CDH13: variants seen among roughly 807,000 people sequenced by gnomAD.
CDH13 encodes cadherin 13.
CDH13 carries 24 observed loss-of-function variants against 63.8 expected under a neutral mutation model. That is an observed-to-expected ratio of 0.38 (90% CI 0.27 to 0.53). The LOEUF (loss-of-function observed/expected upper bound fraction) is 0.53. CDH13 is among the 20% of genes least tolerant of loss of function. CDH13 has a pLI of 0.85. For missense variants in CDH13, 1,049 were observed against 903.1 expected (o/e 1.16, Z -2.07); for synonymous variants, 503 against 355.3 (o/e 1.42, Z -4.67).
chr16:82,952,773 C>T (rs1905478022), intron 2 of CDH13, among the ~76,000 whole-genome samples: 1 of 152,188 alleles, frequency 6.6e-6, no homozygotes, highest in South Asian at 2.1e-4. Context: ...CTCTCTGGTG[C>T]CACAAGATGC....
At chr16:83,199,133 T>C (rs1354196333) in intron 4 of CDH13, among the ~76,000 whole-genome samples, 1 of 152,226 alleles carries the variant, frequency 6.6e-6, no homozygotes, top group Non-Finnish European at 1.5e-5. Context: ...GGAGCTGGGC[T>C]TGGATTCATT....
intron 7 of CDH13, among the ~76,000 whole-genome samples, chr16:83,559,602 A>G (rs998321318): frequency 6.6e-6 from 1 of 151,462 alleles, no homozygotes; most frequent in Non-Finnish European, 1.5e-5. Context: ...GAAAAGAAGG[A>G]AGGAAGGAAG....
At chr16:83,058,565 G>A (rs149738888) in intron 3 of CDH13, among the ~76,000 whole-genome samples, 12 of 152,254 alleles carry the variant, frequency 7.9e-5, no homozygotes, top group African/African-American at 2.9e-4. Context: ...AGCTGGTGAG[G>A]GCTGGACTTT....
intron 7 of CDH13, among the ~76,000 whole-genome samples, chr16:83,559,471 T>A (rs965449004): frequency 4.0e-5 from 6 of 151,888 alleles, no homozygotes; most frequent in African/African-American, 1.5e-4. Context: ...CTCTGGAGGC[T>A]GAGGTGGGAG....
At chr16:83,022,043 G>A (rs1915393570) in intron 2 of CDH13, among the ~76,000 whole-genome samples, 1 of 152,162 alleles carries the variant, frequency 6.6e-6, no homozygotes, top group Admixed American at 6.5e-5. Flanking sequence ...TCTTCCATTT[G>A]GACCAGTCTA....
At chr16:83,565,765 A>G (rs1268601218) in intron 7 of CDH13, among the ~76,000 whole-genome samples, 1 of 150,958 alleles carries the variant, frequency 6.6e-6, no homozygotes, top group Non-Finnish European at 1.5e-5. Flanking sequence ...CTGATAAGTT[A>G]TTCTTTTGTG....
At chr16:83,763,406 TGA>T (rs1261846526) in intron 11 of CDH13, among the ~76,000 whole-genome samples, 5 of 146,648 alleles carry the variant, frequency 3.4e-5, no homozygotes, top group Admixed American at 2.7e-4. Flanking sequence ...ATGCTTAGAT[TGA>T]TTTTTTTTAA....
intron 5 of CDH13, among the ~76,000 whole-genome samples, chr16:83,286,428 C>G (rs2089314536): frequency 6.6e-6 from 1 of 152,140 alleles, no homozygotes; most frequent in African/African-American, 2.4e-5. Context: ...GGCAGCTTTA[C>G]AGATGTACAA....
rs140489200 is a variant in CDH13, at chr16:83,505,142, T to G, written c.960+18487T>G. ...CCATCCTCAAATTCTAGATTTGGAC[T>G]TGAATTTGGTGCTCTTATTTCCACA... On this transcript the variant is annotated intron_variant, in intron 7 of 13. Transcript: ENST00000567109. 9.7e-3 allele frequency among the ~76,000 whole-genome samples: 1,476 copies of G among 152,318 alleles called. 9 individuals are homozygous for G. The highest frequency in any genetic ancestry group is 0.014 in the Non-Finnish European group (943 of 68,038).
chr16:82,859,160 A>G (rs2039825752), intron 2 of CDH13: 1 of 152,266 alleles, frequency 6.6e-6, no homozygotes, highest in African/African-American at 2.4e-5. Context: ...TTTTAGTGCA[A>G]TAGAATTTAA....
chr16:83,352,957 T>C (rs1375436509), intron 6 of CDH13, among the ~76,000 whole-genome samples: 2 of 152,224 alleles, frequency 1.3e-5, no homozygotes, highest in Admixed American at 6.5e-5. Flanking sequence ...CCATTATCTT[T>C]GGTGAAATAA....
At position 82,928,763 on chromosome 16, in the gene CDH13, C is replaced by T. The variant is rs9944318; in HGVS notation, c.157+70290C>T. On this transcript the variant is annotated intron_variant, in intron 2 of 13. Coordinates refer to ENST00000567109, the MANE Select transcript of CDH13 (RefSeq NM_001257.5). ...TAAGAGCAGATGTAAGAAGAGCTTA[C>T]ACTTTTTATTATATCTGACATTCAA... 4.9e-3 allele frequency among the ~76,000 whole-genome samples: 751 copies of T among 152,286 alleles called. 4 individuals carry two copies. Among genetic ancestry groups the T allele is most frequent in the African/African-American group, 0.017 (707 of 41,556 alleles).
intron 7 of CDH13, among the ~76,000 whole-genome samples, chr16:83,551,091 T>TCTATCTATCTAC (rs1476660585): frequency 2.6e-5 from 4 of 151,632 alleles, no homozygotes; most frequent in Non-Finnish European, 1.5e-5. Flanking sequence ...TATCTATCTA[T>TCTATCTATCTAC]CTATCTTTGA....
At chr16:83,011,857 T>G (rs1361277974) in intron 2 of CDH13, among the ~76,000 whole-genome samples, 1 of 152,214 alleles carries the variant, frequency 6.6e-6, no homozygotes, top group Non-Finnish European at 1.5e-5. Context: ...GATCTACCTT[T>G]CTTTCTTAGA....
chr16:83,190,453 C>G (rs957744584), intron 4 of CDH13, among the ~76,000 whole-genome samples: 4 of 152,170 alleles, frequency 2.6e-5, no homozygotes, highest in South Asian at 2.1e-4. Context: ...GGGACAGACC[C>G]TAGTATTTTT....
intron 6 of CDH13, among the ~76,000 whole-genome samples, chr16:83,411,478 A>T (rs577076501): frequency 6.6e-6 from 1 of 152,342 alleles, no homozygotes; most frequent in Non-Finnish European, 1.5e-5. Flanking sequence ...GTGAAATCAT[A>T]TGTGCTCAAT....
At chr16:83,768,271 A>G (rs1458672814) in intron 11 of CDH13, among the ~76,000 whole-genome samples, 4 of 26,442 alleles carry the variant, frequency 1.5e-4, no homozygotes, top group African/African-American at 2.5e-4. Context: ...AGAACCTGTG[A>G]AAAAAAAATC....
rs73596280 is a variant in CDH13 at position 83,059,246 on chromosome 16, A to G, written c.366+27028A>G. Among the ~76,000 whole-genome samples the G allele has an allele frequency of 6.0e-3, 911 of 152,282 alleles. 7 individuals carry two copies. Among genetic ancestry groups the G allele is most frequent in the African/African-American group, 0.021 (877 of 41,556 alleles). On this transcript the variant is annotated intron_variant, in intron 3 of 13. Coordinates refer to ENST00000567109, the MANE Select transcript of CDH13 (RefSeq NM_001257.5). ...GAATTCTCAGAGTCATCCACCTGAA[A>G]AATAGAGGGACTGGAGCCTTTTTTC...
chr16:83,380,646 G>A (rs2091547778), intron 6 of CDH13, among the ~76,000 whole-genome samples: 1 of 152,118 alleles, frequency 6.6e-6, no homozygotes, highest in Admixed American at 6.5e-5. Flanking sequence ...CTGCCCTCCA[G>A]GCCACTTCAT....
Sources: allele counts gnomAD v4.1 joint callset (sites outside exome capture counted in the v4.1 genomes callset), GRCh38; gene constraint gnomAD v4.1.1; transcripts MANE v1.5; gene names NCBI Gene and HGNC (gene_info 2026-07-23, HGNC 2026-07-21).